The following GRID2 variants were observed in gnomAD, a reference collection of about 807,000 sequenced individuals.
GRID2 encodes glutamate ionotropic receptor delta type subunit 2.
GRID2 carries 33 observed loss-of-function variants against 114.8 expected under a neutral mutation model. That is an observed-to-expected ratio of 0.29 (90% CI 0.22 to 0.38). GRID2 has a LOEUF of 0.38. Ranked by LOEUF, GRID2 falls within the 10% of genes least tolerant of loss-of-function variation. The probability of loss-of-function intolerance (pLI) is 1.00; values close to 1 mark genes in which losing one functional copy is unlikely to be tolerated. For missense variants in GRID2, 1,184 were observed against 1,257.7 expected, an observed-to-expected ratio of 0.94 and a Z score of 0.89; for synonymous variants, 505 against 449.9, an observed-to-expected ratio of 1.12 and a Z score of -1.55.
chr4:92,916,348 T>G (rs1748790452), intron 2 of GRID2, among the ~76,000 whole-genome samples: 1 of 152,084 alleles, frequency 6.6e-6, no homozygotes, highest in African/African-American at 2.4e-5. Context: ...CTCTGTAATT[T>G]TAGAGAAACC....
At chr4:93,128,790 C>T (rs191467790) in intron 4 of GRID2, among the ~76,000 whole-genome samples, 3 of 152,262 alleles carry the variant, frequency 2.0e-5, no homozygotes, top group Admixed American at 6.5e-5. Context: ...GTGATCCTGA[C>T]CTGAGCTTAG....
chr4:92,596,203 A>T (rs1728944138), intron 2 of GRID2, among the ~76,000 whole-genome samples: 1 of 151,658 alleles, frequency 6.6e-6, no homozygotes, highest in African/African-American at 2.4e-5. Flanking sequence ...AAACTAGGAG[A>T]TCATGTGGGT....
At chr4:93,026,338 C>T (rs1014271020) in intron 2 of GRID2, among the ~76,000 whole-genome samples, 1 of 151,838 alleles carries the variant, frequency 6.6e-6, no homozygotes, top group Non-Finnish European at 1.5e-5. Context: ...ATACTCTTAG[C>T]ATAGAGAAAC....
At chr4:92,947,327 A>G (rs2149128407) in intron 2 of GRID2, among the ~76,000 whole-genome samples, 1 of 152,128 alleles carries the variant, frequency 6.6e-6, no homozygotes, top group African/African-American at 2.4e-5. Context: ...ATGTGCTAAT[A>G]TGAAAGAAAT....
intron 8 of GRID2, among the ~76,000 whole-genome samples, chr4:93,348,488 T>TGTCC (rs1436807453): frequency 6.6e-6 from 1 of 152,154 alleles, no homozygotes; most frequent in African/African-American, 2.4e-5. Context: ...TTAATGAAAA[T>TGTCC]GTCCGAAGCA....
intron 2 of GRID2, among the ~76,000 whole-genome samples, chr4:92,832,246 C>T (rs1248398737): frequency 6.6e-6 from 1 of 151,764 alleles, no homozygotes; most frequent in Non-Finnish European, 1.5e-5. Flanking sequence ...TGGAGACCAG[C>T]CTGGCCACCA....
chr4:93,594,065 G>A lies in GRID2; in HGVS notation c.2194-32204G>A, dbSNP rs576252460. Among the ~76,000 whole-genome samples, 58 of 152,230 alleles carry A rather than the reference G, an allele frequency of 3.8e-4. 1 individual carries two copies. In the Middle Eastern group the frequency reaches 0.01, roughly 27 times the overall value. ...CTTCTTCTCTCAGCTCGTCAAAGTC[G>A]TTCTCCGTCCAGCTTTGTTCCGTTG... is the stretch of plus-strand genomic sequence containing the variant. On this transcript the variant is annotated intron_variant, in intron 13 of 15. Coordinates refer to ENST00000282020, the MANE Select transcript of GRID2 (RefSeq NM_001510.4).
intron 4 of GRID2, among the ~76,000 whole-genome samples, chr4:93,170,008 T>G (rs1300788693): frequency 6.6e-6 from 1 of 152,328 alleles, no homozygotes; most frequent in East Asian, 1.9e-4. Flanking sequence ...ATGTTATTAT[T>G]TTCATCATGC....
At chr4:93,479,420 G>A (rs1206541271) in intron 11 of GRID2, among the ~76,000 whole-genome samples, 1 of 152,058 alleles carries the variant, frequency 6.6e-6, no homozygotes, top group Non-Finnish European at 1.5e-5. Context: ...ATTTGAGTGG[G>A]GATTTATTAG....
intron 12 of GRID2, among the ~76,000 whole-genome samples, chr4:93,514,090 G>A (rs1227502051): frequency 6.6e-6 from 1 of 152,144 alleles, no homozygotes; most frequent in Non-Finnish European, 1.5e-5. Flanking sequence ...AGTTGTAACT[G>A]TGCCAGTATC....
chr4:92,334,096 C>T (rs1381296986), intron 1 of GRID2, among the ~76,000 whole-genome samples: 1 of 152,164 alleles, frequency 6.6e-6, no homozygotes, highest in East Asian at 1.9e-4. Flanking sequence ...GGCCTGGACA[C>T]AATTCCTCCA....
chr4:93,793,379 G>A (rs949537352), intron 1 of GRID2, among the ~76,000 whole-genome samples: 8 of 152,208 alleles, frequency 5.3e-5, no homozygotes, highest in Middle Eastern at 3.4e-3. Flanking sequence ...GATAATGAAC[G>A]TAGAAACATT....
At chr4:93,626,841 G>A (rs554138779) in intron 14 of GRID2, among the ~76,000 whole-genome samples, 1 of 152,292 alleles carries the variant, frequency 6.6e-6, no homozygotes, top group Non-Finnish European at 1.5e-5. Flanking sequence ...CCAAGTTAAA[G>A]CTCTGATGGA....
intron 14 of GRID2, among the ~76,000 whole-genome samples, chr4:93,637,329 A>G (rs1721498682): frequency 6.6e-6 from 1 of 152,184 alleles, no homozygotes; most frequent in African/African-American, 2.4e-5. Flanking sequence ...TTTATTTTAT[A>G]GAAGAGGAAA....
chr4:93,682,649 G>A (rs1188372471), intron 14 of GRID2, among the ~76,000 whole-genome samples: 2 of 152,004 alleles, frequency 1.3e-5, no homozygotes, highest in Non-Finnish European at 2.9e-5. Context: ...GATGAAATTG[G>A]AAATCATCAT....
intron 2 of GRID2, among the ~76,000 whole-genome samples, chr4:93,053,619 G>A (rs1331146946): frequency 1.3e-5 from 2 of 151,904 alleles, no homozygotes; most frequent in African/African-American, 4.8e-5. Flanking sequence ...TAGAAAAATT[G>A]GTGTTAAGAG....
intron 2 of GRID2, among the ~76,000 whole-genome samples, chr4:92,660,076 A>G (rs1732448004): frequency 6.6e-6 from 1 of 151,448 alleles, no homozygotes; most frequent in Non-Finnish European, 1.5e-5. Context: ...CCACGAAAAT[A>G]TCATTCTTCC....
At chr4:92,875,165 T>G (rs901844858) in intron 2 of GRID2, among the ~76,000 whole-genome samples, 1 of 145,446 alleles carries the variant, frequency 6.9e-6, no homozygotes, top group Non-Finnish European at 1.5e-5. Flanking sequence ...TTTTTTTTTT[T>G]TTTTTTTTTT....
chr4:92,442,581 G>A (rs1270799474), intron 1 of GRID2, among the ~76,000 whole-genome samples: 2 of 152,004 alleles, frequency 1.3e-5, no homozygotes, highest in Non-Finnish European at 2.9e-5. Flanking sequence ...TGAAGGCGAG[G>A]TTAATTAAAT....
Sources: allele counts gnomAD v4.1 joint callset (sites outside exome capture counted in the v4.1 genomes callset), GRCh38; gene constraint gnomAD v4.1.1; transcripts MANE v1.5; gene names NCBI Gene and HGNC (gene_info 2026-07-23, HGNC 2026-07-21).